DLGAP1: variants seen among roughly 807,000 people sequenced by gnomAD.
DLGAP1 encodes the protein disks large-associated protein 1.
DLGAP1 carries 11 observed loss-of-function variants against 90.8 expected under a neutral mutation model. The observed-to-expected ratio is 0.12, with a 90% CI of 0.08 to 0.20. The LOEUF (loss-of-function observed/expected upper bound fraction) is 0.20, where lower values mean the gene tolerates loss of function less well. DLGAP1 is among the 10% of genes least tolerant of loss of function. The probability of loss-of-function intolerance (pLI) is 1.00; values close to 1 mark genes in which losing one functional copy is unlikely to be tolerated. For missense variants in DLGAP1, 1,050 were observed against 1,333.8 expected (o/e 0.79, Z 3.31); for synonymous variants, 558 against 540.7 (o/e 1.03, Z -0.44).
chr18:4,138,663 A>C (rs2076445965), intron 2 of DLGAP1, among the ~76,000 whole-genome samples: 1 of 151,958 alleles, frequency 6.6e-6, no homozygotes, highest in East Asian at 1.9e-4. Context: ...GAATGAATTT[A>C]GACATATTTG....
At chr18:4,141,685 A>G (rs959744146) in intron 2 of DLGAP1, among the ~76,000 whole-genome samples, 8 of 151,552 alleles carry the variant, frequency 5.3e-5, no homozygotes, top group African/African-American at 1.7e-4. Flanking sequence ...CTGACTGTCT[A>G]TTTTCAAATA....
intron 7 of DLGAP1, among the ~76,000 whole-genome samples, chr18:3,709,128 T>C (rs2061526648): frequency 1.3e-5 from 2 of 152,174 alleles, no homozygotes; most frequent in Admixed American, 6.5e-5. Context: ...AGTGCTCCTA[T>C]AAATATACAC....
chr18:4,198,298 T>C, intron 1 of DLGAP1, among the ~76,000 whole-genome samples: 1 of 152,072 alleles, frequency 6.6e-6, no homozygotes, highest in East Asian at 1.9e-4. Flanking sequence ...TAAGAGATGG[T>C]CATGGCCTAT....
At chr18:3,527,717 A>G (rs2051736967) in intron 10 of DLGAP1, among the ~76,000 whole-genome samples, 1 of 151,856 alleles carries the variant, frequency 6.6e-6, no homozygotes, top group African/African-American at 2.4e-5. Context: ...CAGCCTCATG[A>G]GTAGCTGGGA....
chr18:3,798,613 T>C (rs1367936712), intron 5 of DLGAP1, among the ~76,000 whole-genome samples: 1 of 152,182 alleles, frequency 6.6e-6, no homozygotes, highest in Non-Finnish European at 1.5e-5. Flanking sequence ...TGAGCGTATC[T>C]GTTTCTATGG....
rs1427403519 is a variant in DLGAP1 at position 3,688,612 on chromosome 18, AAGAC to A, written c.1591+40519_1591+40522del. 6.6e-4 allele frequency among the ~76,000 whole-genome samples: 84 copies of A among 126,348 alleles called. 1 individual carries two copies. The highest frequency in any genetic ancestry group is 2.0e-3 in the Admixed American group (22 of 10,758). The allele number at this position is 126,348 out of a possible 152,430, so 82.9% of individuals were successfully genotyped here. A position where few individuals can be genotyped will look rare whatever the true frequency, so the allele number is the denominator to read the frequency against. On this transcript the variant is annotated intron_variant, in intron 7 of 12. Transcript: ENST00000315677. ...TAAGATATATTCTAGGTATTAAAAAAAGACACACACACACACACACACACACACA... is the reference window on the plus strand; with the variant it reads ...TAAGATATATTCTAGGTATTAAAAAAACACACACACACACACACACACACA...
At chr18:3,845,736 G>T in intron 4 of DLGAP1, 1 of 406,268 alleles carries the variant, frequency 2.5e-6, no homozygotes, top group Non-Finnish European at 3.3e-6. Context: ...AAGCATGCCT[G>T]ATTGTCTGAC....
chr18:4,059,150 T>C (rs2075264636), intron 2 of DLGAP1, among the ~76,000 whole-genome samples: 2 of 152,306 alleles, frequency 1.3e-5, no homozygotes, highest in South Asian at 4.1e-4. Context: ...TCCTCTGTAA[T>C]TGTGGCAAGA....
At chr18:4,393,860 C>T (rs1331812675) in intron 1 of DLGAP1, among the ~76,000 whole-genome samples, 2 of 152,170 alleles carry the variant, frequency 1.3e-5, no homozygotes, top group South Asian at 2.1e-4. Context: ...CTAGATCCCT[C>T]GCATGTGCAG....
At chr18:3,743,681 T>A (rs1357950445) in intron 5 of DLGAP1, among the ~76,000 whole-genome samples, 1 of 151,926 alleles carries the variant, frequency 6.6e-6, no homozygotes, top group Non-Finnish European at 1.5e-5. Flanking sequence ...GACAGAGTCT[T>A]GCTCTGTCGT....
chr18:3,614,999 G>A (rs1334679176), intron 7 of DLGAP1, among the ~76,000 whole-genome samples: 2 of 10,920 alleles, frequency 1.8e-4, no homozygotes, highest in Non-Finnish European at 3.1e-4. Flanking sequence ...TCGGCTCACC[G>A]CAACCTCCGC....
intron 8 of DLGAP1, chr18:3,571,280 A>G (rs1229197120): frequency 3.3e-5 from 5 of 151,810 alleles, no homozygotes; most frequent in Non-Finnish European, 1.5e-5. Flanking sequence ...CGATCCCATT[A>G]GTGATCAGCA....
intron 1 of DLGAP1, among the ~76,000 whole-genome samples, chr18:4,399,052 G>A (rs554249818): frequency 2.6e-5 from 4 of 152,194 alleles, no homozygotes; most frequent in African/African-American, 7.2e-5. Flanking sequence ...GGATGGTCAC[G>A]ATCTCCTGAC....
chr18:4,372,838 G>T (rs573184461), intron 1 of DLGAP1, among the ~76,000 whole-genome samples: 3 of 151,896 alleles, frequency 2.0e-5, no homozygotes, highest in South Asian at 4.2e-4. Flanking sequence ...TGAGGCATGA[G>T]AATCACTTGA....
Position 3,879,244 on chromosome 18 carries a change from C to T in DLGAP1, c.825G>A (p.Lys275=). ...LPVSLDTPLL[K]KSAWSSTLTV... The stretch of plus-strand genomic sequence containing the variant: ...TGAGCGTGGAGGACCAGGCGCTCTT[C>T]TTCAGCAGCGGGGTGTCCAGGCTGA... The change falls in exon 4 of 13, where the codon AAG becomes AAA. Residue 275 remains lysine (K), a synonymous_variant. Coordinates refer to ENST00000315677, the MANE Select transcript of DLGAP1 (RefSeq NM_004746.4). This position sits in a 1 kb window ranked among gnomAD's most constrained non-coding sequence, Gnocchi z 6.6. 1 of 1,597,240 alleles carries T rather than the reference C, an allele frequency of 6.3e-7. No homozygotes were observed. Among genetic ancestry groups the T allele is most frequent in the South Asian group, 1.1e-5 (1 of 88,272 alleles).
intron 5 of DLGAP1, among the ~76,000 whole-genome samples, chr18:3,754,466 A>G (rs1230763345): frequency 6.6e-6 from 1 of 152,150 alleles, no homozygotes; most frequent in African/African-American, 2.4e-5. Flanking sequence ...AAAGCTGCAG[A>G]CAAACTGTGG....
chr18:4,155,513 G>A (rs1317722276), intron 1 of DLGAP1, among the ~76,000 whole-genome samples: 1 of 152,104 alleles, frequency 6.6e-6, no homozygotes. Context: ...TTCTCCCACA[G>A]TTGCTGTTTA....
intron 2 of DLGAP1, among the ~76,000 whole-genome samples, chr18:4,015,007 C>T (rs140692669): frequency 2.0e-5 from 3 of 152,100 alleles, no homozygotes; most frequent in African/African-American, 4.8e-5. Context: ...CAGACTCTTG[C>T]GAGAACATGC....
At position 4,370,132 on chromosome 18, in the gene DLGAP1, A is replaced by C. The variant is rs186030924; in HGVS notation, c.-267+84874T>G. 3.1e-3 allele frequency among the ~76,000 whole-genome samples: 479 copies of C among 152,314 alleles called. 2 individuals are homozygous for C. The highest frequency in any genetic ancestry group is 5.5e-3 in the Non-Finnish European group (377 of 68,028). On this transcript the variant is annotated intron_variant, in intron 1 of 12. Coordinates refer to ENST00000315677, the MANE Select transcript of DLGAP1 (RefSeq NM_004746.4). ...AGGTGAGGGGTGAATTTGAAAAACT[A>C]CTTAGGCAGCAAAAAATTCAGGTCC...
Sources: gnomAD v4.1 joint callset for allele counts (sites outside exome capture counted in the v4.1 genomes callset) on GRCh38, gnomAD v4.1.1 for gene constraint, Gnocchi (gnomAD v3.1) non-coding constraint, MANE v1.5 for transcripts, NCBI Gene and HGNC (gene_info 2026-07-23, HGNC 2026-07-21) for gene names.